The following ITGA8 variants were observed in gnomAD, a reference collection of about 807,000 sequenced individuals.
ITGA8 encodes the protein integrin alpha-8.
ITGA8 carries 91 observed loss-of-function variants against 142.3 expected under a neutral mutation model. The ratio of observed to expected loss-of-function variants is 0.64; its 90% CI spans 0.54 to 0.76. The LOEUF is 0.76. ITGA8 is among the 30% of genes least tolerant of loss of function. The pLI is 0.00. For synonymous variants in ITGA8, 505 were observed against 485.2 expected (o/e 1.04, Z -0.54); for missense variants, 1,406 against 1,327.7 (o/e 1.06, Z -0.92).
chr10:15,621,878 C>T (rs1833497351), intron 13 of ITGA8, among the ~76,000 whole-genome samples: 1 of 152,142 alleles, frequency 6.6e-6, no homozygotes, highest in South Asian at 2.1e-4. Flanking sequence ...AAAACAACAG[C>T]TGGGCACGGT....
chr10:15,586,950 G>C (rs1199548965), intron 22 of ITGA8, among the ~76,000 whole-genome samples: 1 of 149,620 alleles, frequency 6.7e-6, no homozygotes, highest in African/African-American at 2.5e-5. Context: ...TTGAGACGGA[G>C]TCTCCCTCTG....
At chr10:15,704,062 CT>C (rs1312426175) in intron 2 of ITGA8, among the ~76,000 whole-genome samples, 1 of 152,178 alleles carries the variant, frequency 6.6e-6, no homozygotes, top group Non-Finnish European at 1.5e-5. Context: ...AAGCCAGAAC[CT>C]TGGAATGCAT....
rs1423526751 is a variant in ITGA8, at chr10:15,514,077, A to G, written c.*3081T>C. On this transcript the variant is annotated 3_prime_UTR_variant, in exon 30 of 30. Transcript: ENST00000378076. Reference sequence around the variant, plus strand: ...TAAGAATGCAGTTTCAGGGGTGACTAGTACATATTATTTTTTTATTTACTG... The same window carrying G: ...TAAGAATGCAGTTTCAGGGGTGACTGGTACATATTATTTTTTTATTTACTG... The G allele has an allele frequency of 2.0e-5, 3 of 152,180 alleles. No individual in the cohort carries two copies. Among genetic ancestry groups the G allele is most frequent in the Non-Finnish European group, 4.4e-5 (3 of 68,044 alleles). 9.4% of individuals were successfully genotyped at this position (152,180 alleles called of 1,614,324 possible).
chr10:15,576,647 C>T lies in ITGA8; in HGVS notation c.2373-1053G>A, dbSNP rs181307291. 5.3e-4 allele frequency among the ~76,000 whole-genome samples: 81 copies of T among 152,296 alleles called. No homozygotes were observed. The East Asian group carries it at 8.3e-3, about 16-fold the overall frequency. On this transcript the variant is annotated intron_variant, in intron 23 of 29. Coordinates refer to ENST00000378076, the MANE Select transcript of ITGA8 (RefSeq NM_003638.3). ...CAAAATTTATTGGGTTATATTCTTA[C>T]TCTAGGGCAAGTAATTTAATTTCTG...
intron 5 of ITGA8, 85 bp from the exon 6 acceptor site, chr10:15,677,722 G>A: frequency 1.5e-6 from 2 of 1,331,242 alleles, no homozygotes; most frequent in Non-Finnish European, 2.1e-6. Flanking sequence ...TTGTTAATAA[G>A]CATTGCTCTA....
At chr10:15,681,162 C>T (rs1035052897) in intron 4 of ITGA8, among the ~76,000 whole-genome samples, 11 of 152,086 alleles carry the variant, frequency 7.2e-5, no homozygotes, top group African/African-American at 2.7e-4. Context: ...AGCGGGTTTG[C>T]GGTATAAGAT....
intron 11 of ITGA8, among the ~76,000 whole-genome samples, chr10:15,647,323 T>G (rs1301159866): frequency 6.6e-6 from 1 of 152,220 alleles, no homozygotes; most frequent in Non-Finnish European, 1.5e-5. Flanking sequence ...ATTTTCAGCT[T>G]CTTAGTGCAT....
At chr10:15,634,580 A>G (rs1833738899) in intron 13 of ITGA8, among the ~76,000 whole-genome samples, 1 of 152,194 alleles carries the variant, frequency 6.6e-6, no homozygotes, top group Admixed American at 6.5e-5. Flanking sequence ...TATCCTCAAC[A>G]TCTAGCATAG....
Position 15,716,889 on chromosome 10 carries a change from T to C in ITGA8, c.343+1877A>G, listed in dbSNP as rs554000077. ...GTTGGTCAGGCTGGTCTTGAACTCC[T>C]GACCTCAAGTGATCCACCTGCCTCG... is the stretch of plus-strand genomic sequence containing the variant. On this transcript the variant is annotated intron_variant, in intron 2 of 29. Coordinates refer to ENST00000378076, the MANE Select transcript of ITGA8 (RefSeq NM_003638.3). Among the ~76,000 whole-genome samples the C allele has an allele frequency of 1.3e-3, 192 of 152,294 alleles. 1 individual carries two copies. The highest frequency in any genetic ancestry group is 3.6e-3 in the Admixed American group (55 of 15,304).
In ITGA8 at chr10:15,608,288, A is replaced by C; in HGVS notation, c.1556T>G (p.Phe519Cys). The change falls in exon 16 of 30, where the codon TTT (phenylalanine) becomes TGT (cysteine). Residue 519 changes from phenylalanine (F) to cysteine (C), a missense_variant and splice_region_variant. Coordinates refer to ENST00000378076, the MANE Select transcript of ITGA8 (RefSeq NM_003638.3). ...VPDSMTSAACFSLRVCASVTG... is the reference protein window; with the variant it reads ...VPDSMTSAACCSLRVCASVTG... The stretch of plus-strand genomic sequence containing the variant: ...GACAGATGCACATACTCTTAAAGAA[A>C]AGCTATAGAAAATAGTAGTAATTTA... 1 of 1,585,076 alleles carries C rather than the reference A, an allele frequency of 6.3e-7. No individual in the cohort carries two copies. The highest frequency in any genetic ancestry group is 1.2e-5 in the South Asian group (1 of 86,770).
At chr10:15,711,123 A>G (rs1348989475) in intron 2 of ITGA8, among the ~76,000 whole-genome samples, 1 of 152,206 alleles carries the variant, frequency 6.6e-6, no homozygotes, top group Non-Finnish European at 1.5e-5. Flanking sequence ...TGAATTTCAT[A>G]AGGATATAGG....
intron 1 of ITGA8, among the ~76,000 whole-genome samples, 159 bp downstream of exon 1, chr10:15,719,402 CAG>C (rs1398832157): frequency 2.6e-5 from 4 of 152,160 alleles, no homozygotes; most frequent in African/African-American, 9.6e-5. Flanking sequence ...TCTAGCATGG[CAG>C]GGGAGAGAAG....
chr10:15,607,620 T>C, intron 17 of ITGA8, 57 bp downstream of exon 17: 1 of 1,512,746 alleles, frequency 6.6e-7, no homozygotes, highest in Non-Finnish European at 9.2e-7. Flanking sequence ...TGGAGAAAAA[T>C]GGTTGGAATT....
Position 15,589,758 on chromosome 10 carries a change from C to T in ITGA8, c.2291+2467G>A, listed in dbSNP as rs945688215. Among the ~76,000 whole-genome samples the T allele has an allele frequency of 9.4e-5, 12 of 127,704 alleles. No individual in the cohort carries two copies. In the East Asian group the frequency reaches 1.4e-3, roughly 15 times the overall value. The allele number at this position is 127,704 out of a possible 152,430, so 83.8% of individuals were successfully genotyped here. A position where few individuals can be genotyped will look rare whatever the true frequency, so the allele number is the denominator to read the frequency against. ...GAGTTTTTACAGTGTTTTACTCAAA[C>T]GCTGTATTTTTTTTTTTTTTTTGAG... On this transcript the variant is annotated intron_variant, in intron 22 of 29. Coordinates refer to ENST00000378076, the MANE Select transcript of ITGA8 (RefSeq NM_003638.3).
intron 13 of ITGA8, among the ~76,000 whole-genome samples, chr10:15,618,760 T>C (rs890733592): frequency 6.6e-6 from 1 of 152,228 alleles, no homozygotes; most frequent in Non-Finnish European, 1.5e-5. Flanking sequence ...AGACTCCAAG[T>C]TCTTCAGCTT....
intron 11 of ITGA8, among the ~76,000 whole-genome samples, 172 bp from the exon 12 acceptor site, chr10:15,647,223 C>T (rs770940464): frequency 7.2e-5 from 11 of 152,068 alleles, no homozygotes; most frequent in Admixed American, 5.2e-4. Flanking sequence ...GAATCGAATG[C>T]TGTAAGAAAA....
chr10:15,627,568 G>T (rs1299780611), intron 13 of ITGA8, among the ~76,000 whole-genome samples: 1 of 152,216 alleles, frequency 6.6e-6, no homozygotes, highest in Non-Finnish European at 1.5e-5. Context: ...TTGCAAACAG[G>T]AAGGACAAAA....
At chr10:15,638,460 G>T (rs949078959) in intron 13 of ITGA8, among the ~76,000 whole-genome samples, 4 of 152,164 alleles carry the variant, frequency 2.6e-5, no homozygotes, top group Non-Finnish European at 4.4e-5. Context: ...ACAGAAAAGG[G>T]TTTACATCAG....
intron 18 of ITGA8, 46 bp downstream of exon 18, chr10:15,606,239 G>A: frequency 6.5e-7 from 1 of 1,547,794 alleles, no homozygotes; most frequent in South Asian, 1.2e-5. Flanking sequence ...CAACACCCCA[G>A]AGAGCTTGCT....
Sources: gnomAD v4.1 joint callset for allele counts (sites outside exome capture counted in the v4.1 genomes callset) on GRCh38, gnomAD v4.1.1 for gene constraint, MANE v1.5 for transcripts, NCBI Gene and HGNC (gene_info 2026-07-23, HGNC 2026-07-21) for gene names.